Variants in FBXL17 observed in about 807,000 individuals in gnomAD.
FBXL17 encodes F-box/LRR-repeat protein 17.
FBXL17 carries 22 observed loss-of-function variants against 66.2 expected under a neutral mutation model. That is an observed-to-expected ratio of 0.33 (90% CI 0.24 to 0.47). The LOEUF is 0.47. Among genes scored for constraint, FBXL17 ranks in the 20% least tolerant of loss-of-function variants. FBXL17 has a pLI of 1.00. For missense variants in FBXL17, 878 were observed against 948.2 expected (o/e 0.93, Z 0.97); for synonymous variants, 474 against 400.5 (o/e 1.18, Z -2.19).
At chr5:108,007,285 C>CA (rs1473143216) in intron 7 of FBXL17, among the ~76,000 whole-genome samples, 3 of 152,096 alleles carry the variant, frequency 2.0e-5, no homozygotes, top group Non-Finnish European at 2.9e-5. Flanking sequence ...CTCAGTCAGT[C>CA]AATCAGTGGA....
At chr5:108,256,129 G>A (rs765014494) in intron 4 of FBXL17, among the ~76,000 whole-genome samples, 1 of 152,086 alleles carries the variant, frequency 6.6e-6, no homozygotes, top group Non-Finnish European at 1.5e-5. Flanking sequence ...CTTCCATTTC[G>A]GTTATTTGCA....
At chr5:108,034,156 G>C (rs1394346449) in intron 6 of FBXL17, among the ~76,000 whole-genome samples, 2 of 152,010 alleles carry the variant, frequency 1.3e-5, no homozygotes, top group African/African-American at 4.8e-5. Context: ...GCAACGACCA[G>C]ACAACTTCAG....
chr5:108,236,498 G>A (rs1218973865), intron 4 of FBXL17, among the ~76,000 whole-genome samples: 3 of 151,260 alleles, frequency 2.0e-5, no homozygotes, highest in Non-Finnish European at 4.4e-5. Context: ...GGGTGACAGA[G>A]CAAGACTCTG....
intron 7 of FBXL17, among the ~76,000 whole-genome samples, chr5:107,899,123 C>T (rs1255261880): frequency 3.3e-5 from 5 of 152,202 alleles, no homozygotes; most frequent in African/African-American, 4.8e-5. Context: ...ACATCCTCTC[C>T]AGCATCTGCT....
chr5:108,188,523 T>C (rs181225135), intron 5 of FBXL17, among the ~76,000 whole-genome samples: 14 of 152,276 alleles, frequency 9.2e-5, no homozygotes, highest in African/African-American at 3.1e-4. Context: ...AGAAATGGGT[T>C]CTTACAAAGT....
chr5:108,381,987 C>T lies in FBXL17; in HGVS notation c.-296G>A. 1.7e-5 allele frequency: 20 copies of T among 1,183,252 alleles called. No individual in the cohort carries two copies. Among genetic ancestry groups the T allele is most frequent in the Non-Finnish European group, 2.1e-5 (20 of 954,792 alleles). The allele number at this position is 1,183,252 out of a possible 1,614,324, so 73.3% of individuals were successfully genotyped here. ...CGAGCCTGCCGGCTAGGCGACCAGT[C>T]CGGGCCCGGCCAGCCGGCTCAGTCA... is the stretch of plus-strand genomic sequence containing the variant. On this transcript the variant is annotated 5_prime_UTR_variant, in exon 1 of 9. Coordinates refer to ENST00000542267, the MANE Select transcript of FBXL17 (RefSeq NM_001163315.3).
rs1749972648 is a variant in FBXL17 at position 108,381,767 on chromosome 5, G to A, written c.-76C>T. ...GAGGCGGGCTCCCGGCAGCGGGGCA[G>A]GCCGCTCGCTGGCTCGGCCCCCGGA... On this transcript the variant is annotated 5_prime_UTR_variant, in exon 1 of 9. Coordinates refer to ENST00000542267, the MANE Select transcript of FBXL17 (RefSeq NM_001163315.3). The A allele has an allele frequency of 7.3e-7, 1 of 1,370,086 alleles. No individual in the cohort carries two copies. Among genetic ancestry groups the A allele is most frequent in the Non-Finnish European group, 9.4e-7 (1 of 1,067,380 alleles). 84.9% of individuals were successfully genotyped at this position (1,370,086 alleles called of 1,614,324 possible).
intron 4 of FBXL17, among the ~76,000 whole-genome samples, chr5:108,233,003 T>C (rs565155025): frequency 2.0e-5 from 3 of 151,764 alleles, no homozygotes; most frequent in Admixed American, 6.6e-5. Flanking sequence ...ATAAGTATTG[T>C]ATGGACATAT....
intron 7 of FBXL17, among the ~76,000 whole-genome samples, chr5:107,983,635 A>G (rs1752908094): frequency 6.6e-6 from 1 of 152,222 alleles, no homozygotes; most frequent in South Asian, 2.1e-4. Flanking sequence ...TTCAGAGAAT[A>G]AAACCATATC....
At chr5:107,965,093 T>C (rs2112636150) in intron 7 of FBXL17, among the ~76,000 whole-genome samples, 1 of 152,270 alleles carries the variant, frequency 6.6e-6, no homozygotes, top group East Asian at 1.9e-4. Flanking sequence ...AATCTGGCTA[T>C]TTTGCTCAAC....
At chr5:108,240,453 C>A (rs545158934) in intron 4 of FBXL17, among the ~76,000 whole-genome samples, 1 of 152,136 alleles carries the variant, frequency 6.6e-6, no homozygotes, top group South Asian at 2.1e-4. Context: ...TAGTGGTGGC[C>A]ATGAGAAGAG....
chr5:108,035,810 A>G (rs1360445273), intron 6 of FBXL17, among the ~76,000 whole-genome samples: 2 of 149,248 alleles, frequency 1.3e-5, no homozygotes, highest in Admixed American at 6.6e-5. Context: ...AAAGCACTCT[A>G]CCCTTGAAAT....
intron 7 of FBXL17, among the ~76,000 whole-genome samples, chr5:107,937,305 A>G (rs954537383): frequency 1.3e-5 from 2 of 152,110 alleles, no homozygotes; most frequent in Admixed American, 6.6e-5. Flanking sequence ...ATCTTATTCA[A>G]TCTATTGTGT....
intron 6 of FBXL17, among the ~76,000 whole-genome samples, chr5:108,069,421 G>GCT (rs1440763061): frequency 1.3e-5 from 2 of 152,192 alleles, no homozygotes; most frequent in Non-Finnish European, 2.9e-5. Context: ...GAATATGAGT[G>GCT]CTATCTATGT....
At chr5:108,097,528 C>T (rs947015031) in intron 6 of FBXL17, among the ~76,000 whole-genome samples, 3 of 152,016 alleles carry the variant, frequency 2.0e-5, no homozygotes, top group South Asian at 2.1e-4. Flanking sequence ...TGGTGGCTCA[C>T]GCCTGTAATC....
intron 7 of FBXL17, among the ~76,000 whole-genome samples, chr5:107,886,000 A>T (rs2112509060): frequency 6.6e-6 from 1 of 152,324 alleles, no homozygotes; most frequent in East Asian, 1.9e-4. Context: ...GTAACAAATG[A>T]ACCCAAATAA....
intron 5 of FBXL17, among the ~76,000 whole-genome samples, chr5:108,215,215 G>C (rs1754548214): frequency 6.6e-6 from 1 of 152,130 alleles, no homozygotes; most frequent in Admixed American, 6.5e-5. Flanking sequence ...TAATTATTTT[G>C]ATTCTATACT....
At chr5:107,906,060 CTT>C (rs201479673) in intron 7 of FBXL17, among the ~76,000 whole-genome samples, 3 of 142,134 alleles carry the variant, frequency 2.1e-5, no homozygotes. Flanking sequence ...TAGAGTGAAG[CTT>C]TTTTTTTTTT....
chr5:107,898,964 C>T (rs1405847415), intron 7 of FBXL17, among the ~76,000 whole-genome samples: 1 of 152,124 alleles, frequency 6.6e-6, no homozygotes, highest in Non-Finnish European at 1.5e-5. Context: ...GATTTATATT[C>T]CTTTGGGTAT....
Sources: allele counts gnomAD v4.1 joint callset (sites outside exome capture counted in the v4.1 genomes callset), GRCh38; gene constraint gnomAD v4.1.1; transcripts MANE v1.5; gene names NCBI Gene and HGNC (gene_info 2026-07-23, HGNC 2026-07-21).